The following YTHDC1 variants were observed in gnomAD, a reference collection of about 807,000 sequenced individuals.
The protein encoded by YTHDC1 is YTH N6-methyladenosine RNA binding protein C1.
Under a neutral mutation model 107.0 loss-of-function variants are expected in YTHDC1, and 12 were observed. That is an observed-to-expected ratio of 0.11 (90% CI 0.07 to 0.18). The LOEUF (loss-of-function observed/expected upper bound fraction) is 0.18, where lower values mean the gene tolerates loss of function less well. Ranked by LOEUF, YTHDC1 falls within the 10% of genes least tolerant of loss-of-function variation. The pLI, the probability that YTHDC1 is intolerant of heterozygous loss-of-function variation, is 1.00. For missense variants in YTHDC1, 635 were observed against 898.8 expected (o/e 0.71, Z 3.75); for synonymous variants, 280 against 289.5 (o/e 0.97, Z 0.33).
In YTHDC1 at chr4:68,314,329, A is replaced by G. The variant is rs747017762; in HGVS notation, c.1960-6T>C. 44 of 1,613,864 alleles carry G rather than the reference A, an allele frequency of 2.7e-5. No individual in the cohort carries two copies. In the South Asian group the frequency reaches 4.7e-4, roughly 17 times the overall value. On this transcript the variant is annotated splice_region_variant and splice_polypyrimidine_tract_variant and intron_variant, in intron 16 of 16. Coordinates refer to ENST00000344157, the MANE Select transcript of YTHDC1 (RefSeq NM_001031732.4). ...ACCCTCATATCATAATCATGCTAGA[A>G]AAGGAAAGAAATGTGTTAGGTATGT...
intron 9 of YTHDC1, among the ~76,000 whole-genome samples, chr4:68,328,030 C>T (rs1022622959): frequency 7.2e-5 from 11 of 152,128 alleles, no homozygotes; most frequent in African/African-American, 2.7e-4. Flanking sequence ...AGTCTGTCTA[C>T]CTCTTCGGTT....
At chr4:68,343,492 G>A (rs187240025) in intron 1 of YTHDC1, among the ~76,000 whole-genome samples, 11 of 142,726 alleles carry the variant, frequency 7.7e-5, no homozygotes, top group Admixed American at 4.3e-4. Context: ...ATGAGCCACC[G>A]TGCCCGGCCT....
chr4:68,337,979 T>G (rs1465620867), intron 2 of YTHDC1, 79 bp from the exon 3 acceptor site: 5 of 1,512,186 alleles, frequency 3.3e-6, no homozygotes, highest in Non-Finnish European at 4.4e-6. Context: ...GACAATAATA[T>G]ATACATCAGG....
At chr4:68,337,948 C>A in intron 2 of YTHDC1, 48 bp from the exon 3 acceptor site, 1 of 1,556,584 alleles carries the variant, frequency 6.4e-7, no homozygotes, top group Non-Finnish European at 8.6e-7. Context: ...TTGTAGTATT[C>A]CATTTATTTC....
In YTHDC1 at chr4:68,314,264, G is replaced by A; in HGVS notation, c.2019C>T (p.Gly673=). The change falls in exon 17 of 17, where the codon GGC becomes GGT. Residue 673 remains glycine (G), a synonymous_variant. Transcript: ENST00000344157. Reference sequence around the variant, plus strand: ...CTCTTTCACGGGGTCTACTTCTCCGGCCACTGACAACAGCTTGTGTGCGAC... The same window carrying A: ...CTCTTTCACGGGGTCTACTTCTCCGACCACTGACAACAGCTTGTGTGCGAC... The part of the protein sequence containing the change: ...FLRRTQAVVS[G]RRSRPRERDR... 6.2e-7 allele frequency: 1 copy of A among 1,613,854 alleles called. No individual in the cohort carries two copies. The highest frequency in any genetic ancestry group is 8.5e-7 in the Non-Finnish European group (1 of 1,179,978).
chr4:68,335,988 C>G (rs534916744), intron 4 of YTHDC1, among the ~76,000 whole-genome samples: 1 of 147,010 alleles, frequency 6.8e-6, no homozygotes, highest in South Asian at 2.2e-4. Context: ...TATATACTAT[C>G]CATATAGTAT....
intron 4 of YTHDC1, among the ~76,000 whole-genome samples, chr4:68,336,562 G>A (rs1405757146): frequency 6.6e-6 from 1 of 152,170 alleles, no homozygotes; most frequent in Non-Finnish European, 1.5e-5. Context: ...AAAATTAGAA[G>A]AAAAGTCTGT....
rs573851475 is a variant in YTHDC1 at position 68,325,674 on chromosome 4, C to A, written c.1350-1451G>T. Reference sequence around the variant, plus strand: ...CTAGGATTACAGCTGTGAGCCACCACACCTGGCCTGAATGCTCAGATCTTA... The same window carrying A: ...CTAGGATTACAGCTGTGAGCCACCAAACCTGGCCTGAATGCTCAGATCTTA... On this transcript the variant is annotated intron_variant, in intron 9 of 16. Coordinates refer to ENST00000344157, the MANE Select transcript of YTHDC1 (RefSeq NM_001031732.4). Among the ~76,000 whole-genome samples, 3 of 152,296 alleles carry A rather than the reference C, an allele frequency of 2.0e-5. No homozygotes were observed. The East Asian group carries it at 5.8e-4, about 29-fold the overall frequency.
At chr4:68,333,673 A>C (rs777113530) in intron 4 of YTHDC1, among the ~76,000 whole-genome samples, 27 of 152,140 alleles carry the variant, frequency 1.8e-4, no homozygotes, top group Middle Eastern at 3.4e-3. Context: ...GGTGGCCTTG[A>C]ATACAGTTTT....
At position 68,338,399 on chromosome 4, in the gene YTHDC1, A is replaced by T; in HGVS notation, c.29-15T>A. On this transcript the variant is annotated splice_polypyrimidine_tract_variant and intron_variant, in intron 1 of 16. Coordinates refer to ENST00000344157, the MANE Select transcript of YTHDC1 (RefSeq NM_001031732.4). ...AAGTTCTCCATCTGCAAATAAAATT[A>T]AAAATTAATAGGGAAAAATCACTAT... is the stretch of plus-strand genomic sequence containing the variant. The T allele has an allele frequency of 6.4e-7, 1 of 1,560,614 alleles. No individual in the cohort carries two copies. The highest frequency in any genetic ancestry group is 8.7e-7 in the Non-Finnish European group (1 of 1,150,898).
intron 1 of YTHDC1, 134 bp from the exon 2 acceptor site, chr4:68,338,518 GA>G (rs1724476491): frequency 3.3e-6 from 2 of 604,008 alleles, no homozygotes; most frequent in Non-Finnish European, 5.6e-6. Flanking sequence ...TTTTATTTCA[GA>G]ATCAAGACAC....
chr4:68,319,972 T>C (rs1192066544), intron 12 of YTHDC1, 151 bp downstream of exon 12: 6 of 648,588 alleles, frequency 9.3e-6, no homozygotes, highest in Non-Finnish European at 1.3e-5. Flanking sequence ...ATTACACTAA[T>C]GAGAACTACT....
chr4:68,326,679 C>T (rs757317391), intron 9 of YTHDC1, among the ~76,000 whole-genome samples: 3 of 152,182 alleles, frequency 2.0e-5, no homozygotes, highest in East Asian at 3.9e-4. Context: ...CAACCTCCGC[C>T]TCCTGAGTTC....
intron 1 of YTHDC1, among the ~76,000 whole-genome samples, chr4:68,340,000 A>T (rs1724637921): frequency 6.6e-6 from 1 of 152,190 alleles, no homozygotes; most frequent in Non-Finnish European, 1.5e-5. Context: ...CTATTCCAAT[A>T]TCAAAAACAT....
Position 68,349,875 on chromosome 4 carries a change from T to C in YTHDC1, c.-122A>G. ...CAGTCCGTCTGCCCGGATACGCGCG[T>C]CGCACTTGGCCTCTTAACACTCAGC... is the stretch of plus-strand genomic sequence containing the variant. On this transcript the variant is annotated 5_prime_UTR_variant, in exon 1 of 17. Coordinates refer to ENST00000344157, the MANE Select transcript of YTHDC1 (RefSeq NM_001031732.4). The C allele has an allele frequency of 7.2e-7, 1 of 1,397,758 alleles. No homozygotes were observed. Among genetic ancestry groups the C allele is most frequent in the Non-Finnish European group, 1.0e-6 (1 of 1,001,092 alleles). The allele number at this position is 1,397,758 out of a possible 1,614,324, so 86.6% of individuals were successfully genotyped here.
chr4:68,325,882 T>G (rs1356870472), intron 9 of YTHDC1, among the ~76,000 whole-genome samples: 1 of 152,154 alleles, frequency 6.6e-6, no homozygotes, highest in Non-Finnish European at 1.5e-5. Context: ...TTTCTTTTTC[T>G]AATATACACC....
rs10657692 is a variant in YTHDC1 at position 68,343,524 on chromosome 4, T to TAAA, written c.29-5143_29-5141dup. Among the ~76,000 whole-genome samples, 252 of 121,010 alleles carry TAAA rather than the reference T, an allele frequency of 2.1e-3. 2 individuals are homozygous for TAAA. Among genetic ancestry groups the TAAA allele is most frequent in the African/African-American group, 7.6e-3 (236 of 31,088 alleles). The allele number at this position is 121,010 out of a possible 152,430, so 79.4% of individuals were successfully genotyped here. On this transcript the variant is annotated intron_variant, in intron 1 of 16. Coordinates refer to ENST00000344157, the MANE Select transcript of YTHDC1 (RefSeq NM_001031732.4). Reference sequence around the variant, plus strand: ...GCCTTAAAAAATCACTTAAAATCTTTAAAAAAAAAAAAAAAAAAATTTTTT... The same window carrying TAAA: ...GCCTTAAAAAATCACTTAAAATCTTTAAAAAAAAAAAAAAAAAAAAAATTTTTT...
intron 1 of YTHDC1, among the ~76,000 whole-genome samples, chr4:68,344,244 TATTAAGCA>T (rs1725168220): frequency 6.6e-6 from 1 of 150,516 alleles, no homozygotes; most frequent in Admixed American, 6.6e-5. Context: ...ATACCTAACG[TATTAAGCA>T]AGTACTTTAT....
chr4:68,342,797 C>T (rs1724991632), intron 1 of YTHDC1, among the ~76,000 whole-genome samples: 2 of 152,154 alleles, frequency 1.3e-5, no homozygotes, highest in Admixed American at 1.3e-4. Context: ...TCACAAGCTA[C>T]TGCTGTTAAA....
Sources: gnomAD v4.1 joint callset for allele counts (sites outside exome capture counted in the v4.1 genomes callset) on GRCh38, gnomAD v4.1.1 for gene constraint, MANE v1.5 for transcripts, NCBI Gene and HGNC (gene_info 2026-07-23, HGNC 2026-07-21) for gene names.